Variants in RTN3 observed in about 807,000 individuals in gnomAD.
The protein encoded by RTN3 is reticulon 3.
In RTN3, 49 loss-of-function variants were observed where a neutral mutation model predicts 77.8. That is an observed-to-expected ratio of 0.63 (90% CI 0.50 to 0.80). The LOEUF (loss-of-function observed/expected upper bound fraction) is 0.80, where lower values mean the gene tolerates loss of function less well. RTN3 is among the 30% of genes least tolerant of loss of function. The pLI is 0.00. For synonymous variants in RTN3, 464 were observed against 446.9 expected (o/e 1.04, Z -0.48); for missense variants, 1,236 against 1,211.9 (o/e 1.02, Z -0.29).
chr11:63,707,603 G>T (rs1942560105), intron 2 of RTN3, among the ~76,000 whole-genome samples: 1 of 152,102 alleles, frequency 6.6e-6, no homozygotes, highest in African/African-American at 2.4e-5. Context: ...GGAGGCTGAG[G>T]CAGGCGGATC....
At chr11:63,737,144 A>T (rs893145242) in intron 3 of RTN3, among the ~76,000 whole-genome samples, 2 of 151,938 alleles carry the variant, frequency 1.3e-5, no homozygotes, top group South Asian at 2.1e-4. Flanking sequence ...CCATCTTAGA[A>T]TTCCGCCTGC....
Position 63,719,991 on chromosome 11 carries a change from T to G in RTN3, c.1489T>G (p.Ser497Ala), listed in dbSNP as rs755095662. 1.2e-6 allele frequency: 2 copies of G among 1,614,186 alleles called. No individual in the cohort carries two copies. Among genetic ancestry groups the G allele is most frequent in the East Asian group, 4.5e-5 (2 of 44,884 alleles). The change falls in exon 3 of 9, where the codon TCT (serine) becomes GCT (alanine). Residue 497 changes from serine (S) to alanine (A), a missense_variant. Coordinates refer to ENST00000377819, the MANE Select transcript of RTN3 (RefSeq NM_001265589.2). ...GGGAGAAATCACAGAAGCTGATAGT[T>G]CTGGTGAGTCTGATGACACAGTAAT... Reference protein sequence around the residue: ...ALGEITEADSSGESDDTVIED... With the variant: ...ALGEITEADSAGESDDTVIED...
chr11:63,757,426 C>T (rs1012252810), intron 8 of RTN3, among the ~76,000 whole-genome samples: 33 of 152,266 alleles, frequency 2.2e-4, no homozygotes, highest in Non-Finnish European at 4.1e-4. Context: ...GCTGAAAGCT[C>T]ACTGCAGCCT....
At chr11:63,716,483 A>G (rs1036602153) in intron 2 of RTN3, among the ~76,000 whole-genome samples, 1 of 152,204 alleles carries the variant, frequency 6.6e-6, no homozygotes. Context: ...ATTTGGGGCT[A>G]TTTATTTAAG....
rs200752185 is a variant in RTN3 at position 63,753,479 on chromosome 11, G to A, written c.2948-183G>A. Reference sequence around the variant, plus strand: ...CTGTATACCTGAAGAGGTTTTTTTTGTTTTGTTTTAACACTACCTTAAATT... The same window carrying A: ...CTGTATACCTGAAGAGGTTTTTTTTATTTTGTTTTAACACTACCTTAAATT... On this transcript the variant is annotated intron_variant, in intron 6 of 8. Transcript: ENST00000377819. Among the ~76,000 whole-genome samples, 18 of 152,058 alleles carry A rather than the reference G, an allele frequency of 1.2e-4. No homozygotes were observed. In the East Asian group the frequency reaches 2.9e-3, roughly 24 times the overall value.
rs778140499 is a variant in RTN3, at chr11:63,758,315, C to A, written c.*114C>A. The A allele has an allele frequency of 8.1e-6, 13 of 1,602,866 alleles. No individual in the cohort carries two copies. Among genetic ancestry groups the A allele is most frequent in the Non-Finnish European group, 1.1e-5 (13 of 1,172,758 alleles). Reference sequence around the variant, plus strand: ...TGTCAGCTTGAGCCTGCATTCCAAGCTTTTTTTTTAATTTGGTGTTTTCTC... The same window carrying A: ...TGTCAGCTTGAGCCTGCATTCCAAGATTTTTTTTTAATTTGGTGTTTTCTC... On this transcript the variant is annotated 3_prime_UTR_variant, in exon 9 of 9. Transcript: ENST00000377819.
intron 1 of RTN3, 58 bp from the exon 2 acceptor site, chr11:63,704,787 GAAAGTT>G (rs1180357159): frequency 1.8e-5 from 22 of 1,216,234 alleles, no homozygotes; most frequent in Non-Finnish European, 2.2e-5. Flanking sequence ...CCATCAAAAA[GAAAGTT>G]AAAGTTAAAA....
chr11:63,738,712 T>A (rs1255172671), intron 3 of RTN3, among the ~76,000 whole-genome samples: 1 of 151,884 alleles, frequency 6.6e-6, no homozygotes, highest in Non-Finnish European at 1.5e-5. Context: ...CTTTTCAGAA[T>A]AAGTATTTGA....
At chr11:63,714,362 A>C in intron 2 of RTN3, 1 of 197,868 alleles carries the variant, frequency 5.1e-6, no homozygotes, top group Non-Finnish European at 1.1e-5. Context: ...TTTGCCCTCT[A>C]AGCTTGTCCC....
intron 3 of RTN3, among the ~76,000 whole-genome samples, chr11:63,741,983 G>GT (rs752536035): frequency 3.9e-3 from 545 of 139,968 alleles, no homozygotes; most frequent in East Asian, 6.3e-3. Context: ...GCTCTTCTAG[G>GT]TTTTTTTTTT....
intron 3 of RTN3, among the ~76,000 whole-genome samples, chr11:63,726,644 C>T (rs1471241169): frequency 2.6e-5 from 4 of 152,128 alleles, no homozygotes; most frequent in East Asian, 3.9e-4. Flanking sequence ...GGGTGGATCA[C>T]GAGATCAGGA....
At chr11:63,707,008 C>T (rs1476907248) in intron 2 of RTN3, among the ~76,000 whole-genome samples, 2 of 151,520 alleles carry the variant, frequency 1.3e-5, no homozygotes, top group Non-Finnish European at 2.9e-5. Flanking sequence ...AAGCAGTTCT[C>T]TCGCCTCAGC....
At position 63,719,999 on chromosome 11, in the gene RTN3, G is replaced by T; in HGVS notation, c.1497G>T (p.Glu499Asp). ...TCACAGAAGCTGATAGTTCTGGTGA[G>T]TCTGATGACACAGTAATAGAGGACA... ...GEITEADSSG[E>D]SDDTVIEDIT... Residue 499 changes from glutamate (E) to aspartate (D), a missense_variant, in exon 3 of 9, where the codon GAG becomes GAT. Around this residue, in one of 3 missense-constraint regions of RTN3, gnomAD observed 1,056 missense variants for 990.4 expected, o/e 1.07. Coordinates refer to ENST00000377819, the MANE Select transcript of RTN3 (RefSeq NM_001265589.2). 6.2e-7 allele frequency: 1 copy of T among 1,614,188 alleles called. No homozygotes were observed. The highest frequency in any genetic ancestry group is 8.5e-7 in the Non-Finnish European group (1 of 1,180,032).
chr11:63,742,223 C>A (rs562584759), intron 3 of RTN3, among the ~76,000 whole-genome samples: 8 of 151,482 alleles, frequency 5.3e-5, no homozygotes, highest in Non-Finnish European at 8.8e-5. Flanking sequence ...TTGTGATCCA[C>A]CTGCCTCGGC....
At chr11:63,691,114 CTTTTT>C (rs796809025) in intron 1 of RTN3, among the ~76,000 whole-genome samples, 4 of 91,878 alleles carry the variant, frequency 4.4e-5, no homozygotes, top group South Asian at 3.9e-4. Context: ...ATTGCTAATT[CTTTTT>C]TTTTTTTTTT....
intron 3 of RTN3, among the ~76,000 whole-genome samples, chr11:63,729,002 A>C (rs2134956761): frequency 6.6e-6 from 1 of 152,166 alleles, no homozygotes; most frequent in South Asian, 2.1e-4. Context: ...TTTAAAAGGC[A>C]GTAGAGTAAC....
At chr11:63,735,223 C>G (rs1328899765) in intron 3 of RTN3, among the ~76,000 whole-genome samples, 1 of 152,152 alleles carries the variant, frequency 6.6e-6, no homozygotes. Flanking sequence ...CTCCCAACCT[C>G]AAGTGATCTG....
chr11:63,732,846 A>G (rs1200467388), intron 3 of RTN3, among the ~76,000 whole-genome samples: 1 of 152,184 alleles, frequency 6.6e-6, no homozygotes, highest in Non-Finnish European at 1.5e-5. Flanking sequence ...AGTAATACCA[A>G]AACTGGACAA....
chr11:63,744,240 CAAAAAAA>C (rs71468642), intron 3 of RTN3, among the ~76,000 whole-genome samples: 4 of 63,626 alleles, frequency 6.3e-5, no homozygotes, highest in East Asian at 6.2e-4. Flanking sequence ...GACTCTGTCT[CAAAAAAA>C]AAAAAAAAAA....
Sources: allele counts gnomAD v4.1 joint callset (sites outside exome capture counted in the v4.1 genomes callset), GRCh38; gene constraint gnomAD v4.1.1; regional missense constraint gnomAD v4.1.1; transcripts MANE v1.5; gene names NCBI Gene and HGNC (gene_info 2026-07-23, HGNC 2026-07-21).